GTSF1: variants seen among roughly 807,000 people sequenced by gnomAD.
GTSF1 encodes gametocyte specific factor 1.
Under a neutral mutation model 28.9 loss-of-function variants are expected in GTSF1, and 11 were observed. The observed-to-expected ratio is 0.38, with a 90% CI of 0.24 to 0.63. The LOEUF (loss-of-function observed/expected upper bound fraction) is 0.63, where lower values mean the gene tolerates loss of function less well. Among genes scored for constraint, GTSF1 ranks in the 30% least tolerant of loss-of-function variants. The pLI is 0.56. For synonymous variants in GTSF1, 69 were observed against 65.6 expected (o/e 1.05, Z -0.25); for missense variants, 146 against 201.0 (o/e 0.73, Z 1.66).
rs1005583344 is a variant in GTSF1 at position 54,465,091 on chromosome 12, A to C, written c.93T>G (p.Pro31=). ...KNHQIRACRF[P]YHLIKCRKNH... is the part of the protein sequence containing the mutation. ...CCTTTCTGCACTTGATAAGATGATA[A>C]GGAAACCTGCAAGCCCTGATTTGAT... is the stretch of plus-strand genomic sequence containing the variant. The change falls in exon 3 of 9, where the codon CCT becomes CCG. Residue 31 remains proline (P), a synonymous_variant. Transcript: ENST00000305879. The C allele has an allele frequency of 1.9e-6, 3 of 1,613,128 alleles. No individual in the cohort carries two copies. The highest frequency in any genetic ancestry group is 2.5e-6 in the Non-Finnish European group (3 of 1,179,346).
intron 1 of GTSF1, among the ~76,000 whole-genome samples, chr12:54,473,056 T>C (rs922805264): frequency 1.3e-5 from 2 of 152,158 alleles, no homozygotes; most frequent in Admixed American, 6.5e-5. Flanking sequence ...GAATTCACAG[T>C]ACCATCACTT....
chr12:54,464,350 TAAC>T (rs1956474985), intron 3 of GTSF1, among the ~76,000 whole-genome samples: 1 of 152,152 alleles, frequency 6.6e-6, no homozygotes, highest in Non-Finnish European at 1.5e-5. Flanking sequence ...GCTGGAGAAA[TAAC>T]AAAGATACAT....
chr12:54,456,956 A>G (rs1956341889), intron 8 of GTSF1, among the ~76,000 whole-genome samples: 1 of 152,140 alleles, frequency 6.6e-6, no homozygotes, highest in South Asian at 2.1e-4. Context: ...GTGGTGGCAC[A>G]CACCTGTAAT....
In GTSF1 at chr12:54,462,718, T is replaced by TTGGTTGAC; in HGVS notation, c.245-1_251dup (p.Thr85SerfsTer55). 6.2e-7 allele frequency: 1 copy of TTGGTTGAC among 1,613,732 alleles called. No individual in the cohort carries two copies. The highest frequency in any genetic ancestry group is 8.5e-7 in the Non-Finnish European group (1 of 1,179,694). On this transcript the variant is annotated frameshift_variant, in exon 5 of 9. Coordinates refer to ENST00000305879, the MANE Select transcript of GTSF1 (RefSeq NM_144594.3). LOFTEE classifies it high-confidence loss of function. ...GAGTCTCTTGTCTAAGGCTCCTGGT[T>TTGGTTGAC]TGGTTGACTGCAAGACAATAAAGAT... is the stretch of plus-strand genomic sequence containing the variant.
chr12:54,459,592 TG>T, intron 7 of GTSF1: 2 of 417,998 alleles, frequency 4.8e-6, no homozygotes, highest in Non-Finnish European at 8.0e-6. Context: ...CTCTAAAGTC[TG>T]GGGAGGACAT....
At chr12:54,459,531 C>T in intron 7 of GTSF1, 1 of 1,020,502 alleles carries the variant, frequency 9.8e-7, no homozygotes, top group Non-Finnish European at 1.3e-6. Context: ...GTGGAAATTT[C>T]ATTATGACGG....
At chr12:54,469,979 T>C (rs982079367) in intron 2 of GTSF1, among the ~76,000 whole-genome samples, 16 of 152,282 alleles carry the variant, frequency 1.1e-4, no homozygotes, top group Admixed American at 2.0e-4. Context: ...AAGACCAGCC[T>C]GGCCAACACG....
intron 4 of GTSF1, 79 bp downstream of exon 4, chr12:54,463,092 T>A: frequency 6.8e-7 from 1 of 1,462,640 alleles, no homozygotes; most frequent in Non-Finnish European, 9.3e-7. Flanking sequence ...AAGCCAAAAA[T>A]CAAGCTGACA....
At chr12:54,471,325 C>CA in intron 1 of GTSF1, 48 bp from the exon 2 acceptor site, 1 of 1,349,784 alleles carries the variant, frequency 7.4e-7, no homozygotes, top group Non-Finnish European at 1.0e-6. Context: ...TAAAATGTAC[C>CA]AAAAGGTAAC....
intron 6 of GTSF1, among the ~76,000 whole-genome samples, chr12:54,461,761 GTTACCT>G (rs897961557): frequency 2.9e-4 from 44 of 152,226 alleles, no homozygotes; most frequent in African/African-American, 1.0e-3. Flanking sequence ...CTATACACTA[GTTACCT>G]AAAGTAAAAA....
intron 2 of GTSF1, among the ~76,000 whole-genome samples, chr12:54,466,059 A>G (rs938700083): frequency 2.6e-5 from 4 of 152,244 alleles, no homozygotes; most frequent in African/African-American, 9.6e-5. Context: ...AACTGCAGAC[A>G]TATGGAACTG....
At chr12:54,471,092 A>C (rs533338472) in intron 2 of GTSF1, 141 bp downstream of exon 2, 1 of 498,978 alleles carries the variant, frequency 2.0e-6, no homozygotes, top group East Asian at 3.4e-5. Context: ...CTTATTTCAA[A>C]TTTGGGCAAT....
chr12:54,463,167 T>C lies in GTSF1; in HGVS notation c.244+4A>G. 6.2e-7 allele frequency: 1 copy of C among 1,613,442 alleles called. No individual in the cohort carries two copies. The highest frequency in any genetic ancestry group is 2.2e-5 in the East Asian group (1 of 44,866). On this transcript the variant is annotated splice_donor_region_variant and intron_variant, in intron 4 of 8. Coordinates refer to ENST00000305879, the MANE Select transcript of GTSF1 (RefSeq NM_144594.3). ...ACTGAAATATTTTAGATACTAAGTC[T>C]TACCAACATCTTGCTCAATACAACT...
At chr12:54,458,441 C>T (rs745974072) in intron 8 of GTSF1, among the ~76,000 whole-genome samples, 12 of 152,170 alleles carry the variant, frequency 7.9e-5, no homozygotes, top group Non-Finnish European at 1.3e-4. Flanking sequence ...GGCATGATCT[C>T]GGCTCACTGC....
chr12:54,466,728 T>C (rs1300370270), intron 2 of GTSF1: 1 of 152,136 alleles, frequency 6.6e-6, no homozygotes, highest in Non-Finnish European at 1.5e-5. Context: ...GAGCTTCTCA[T>C]TGTAATGCTT....
chr12:54,466,939 C>T (rs1016484889), intron 2 of GTSF1: 3 of 151,556 alleles, frequency 2.0e-5, no homozygotes, highest in Non-Finnish European at 4.4e-5. Context: ...CCTCAGCCCC[C>T]GGAGTAGCTG....
Position 54,458,497 on chromosome 12 carries a change from G to A in GTSF1, c.*20+592C>T, listed in dbSNP as rs534959701. Among the ~76,000 whole-genome samples, 7 of 152,032 alleles carry A rather than the reference G, an allele frequency of 4.6e-5. No individual in the cohort carries two copies. The East Asian group carries it at 7.7e-4, about 17-fold the overall frequency. On this transcript the variant is annotated intron_variant, in intron 8 of 8. Coordinates refer to ENST00000305879, the MANE Select transcript of GTSF1 (RefSeq NM_144594.3). ...GGCGATTCTCCTGCCTCAGCCTCCC[G>A]AGTTGCTGGGATTACAGGCGTGCAC... is the stretch of plus-strand genomic sequence containing the variant.
Position 54,463,239 on chromosome 12 carries a change from A to C in GTSF1, c.176T>G (p.Val59Gly). 6.2e-7 allele frequency: 1 copy of C among 1,613,940 alleles called. No individual in the cohort carries two copies. Among genetic ancestry groups the C allele is most frequent in the Non-Finnish European group, 8.5e-7 (1 of 1,179,814 alleles). ...ATGATGACTAATTTCAGCTCGAGGA[A>C]CCTGGTGGCGAGCATTGAAGGGACA... Reference protein sequence around the residue: ...ATCPFNARHQVPRAEISHHIS... With the variant: ...ATCPFNARHQGPRAEISHHIS... The change falls in exon 4 of 9, where the codon GTT becomes GGT. Residue 59 changes from valine to glycine, a missense_variant. Val to Gly is a moderately radical substitution (Grantham distance 109). Coordinates refer to ENST00000305879, the MANE Select transcript of GTSF1 (RefSeq NM_144594.3).
rs144545009 is a variant in GTSF1, at chr12:54,463,207, T to G, written c.208A>C (p.Ser70Arg). 500 of 1,613,970 alleles carry G rather than the reference T, an allele frequency of 3.1e-4. 2 individuals carry two copies. The highest frequency in any genetic ancestry group is 4.7e-4 in the Admixed American group (28 of 60,014). ...PRAEISHHIS[S>R]CDDRSCIEQD... ...TCAATACAACTTCTGTCATCACAGC[T>G]TGAGATATGATGACTAATTTCAGCT... The change falls in exon 4 of 9, where the codon AGC (serine) becomes CGC (arginine). Residue 70 changes from serine to arginine, a missense_variant. Coordinates refer to ENST00000305879, the MANE Select transcript of GTSF1 (RefSeq NM_144594.3).
Sources: allele counts gnomAD v4.1 joint callset (sites outside exome capture counted in the v4.1 genomes callset), GRCh38; gene constraint gnomAD v4.1.1; transcripts MANE v1.5; gene names NCBI Gene and HGNC (gene_info 2026-07-23, HGNC 2026-07-21).